The following OGFOD1 variants were observed in gnomAD, a reference collection of about 807,000 sequenced individuals.
The protein encoded by OGFOD1 is 2-oxoglutarate and iron dependent oxygenase domain containing 1.
A neutral mutation model predicts 67.7 loss-of-function variants in OGFOD1; 54 were observed. The ratio of observed to expected loss-of-function variants is 0.80; its 90% confidence interval spans 0.64 to 1.00. The LOEUF is 1.00. Ranked by LOEUF, OGFOD1 falls within the 50% of genes least tolerant of loss-of-function variation. The probability of loss-of-function intolerance (pLI) is 0.00; values close to 1 mark genes in which losing one functional copy is unlikely to be tolerated. For synonymous variants in OGFOD1, 221 were observed against 227.0 expected, an observed-to-expected ratio of 0.97 and a Z score of 0.24; for missense variants, 606 against 646.7, an observed-to-expected ratio of 0.94 and a Z score of 0.68.
intron 1 of OGFOD1, 35 bp downstream of exon 1, chr16:56,451,801 A>G (rs1207485666): frequency 1.2e-6 from 2 of 1,609,244 alleles, no homozygotes; most frequent in Admixed American, 3.3e-5. Context: ...GCCGCCACGC[A>G]GAGGTCTAGG....
At chr16:56,475,597 TTA>T in intron 12 of OGFOD1, 32 bp downstream of exon 12, 1 of 1,594,664 alleles carries the variant, frequency 6.3e-7, no homozygotes, top group Non-Finnish European at 8.6e-7. Flanking sequence ...ACTATCATTT[TTA>T]GTTATTGAGA....
At chr16:56,471,038 A>G (rs1963149473) in intron 10 of OGFOD1, among the ~76,000 whole-genome samples, 1 of 152,114 alleles carries the variant, frequency 6.6e-6, no homozygotes, top group South Asian at 2.1e-4. Context: ...AAAACATTGT[A>G]ATAGGGTTAT....
At chr16:56,466,319 T>G in intron 5 of OGFOD1, 51 bp downstream of exon 5, 1 of 1,120,816 alleles carries the variant, frequency 8.9e-7, no homozygotes, top group Non-Finnish European at 1.4e-6. Flanking sequence ...ACTTCTGAGT[T>G]AAAGCTGAGT....
chr16:56,451,877 C>G, intron 1 of OGFOD1, 111 bp downstream of exon 1: 1 of 1,268,546 alleles, frequency 7.9e-7, no homozygotes, highest in Non-Finnish European at 1.1e-6. Flanking sequence ...GGAAGAGGCT[C>G]TTAGAGGACT....
chr16:56,474,914 T>C lies in OGFOD1; in HGVS notation c.1372T>C (p.Phe458Leu), dbSNP rs1373316141. The C allele has an allele frequency of 6.2e-7, 1 of 1,613,852 alleles. No individual in the cohort carries two copies. The highest frequency in any genetic ancestry group is 8.5e-7 in the Non-Finnish European group (1 of 1,179,916). ...TLIHDHSKAE[F>L]ALDLILYCGC... ...AATTCATGACCATAGCAAGGCTGAA[T>C]TTGCCCTAGACTTAATTCTGTACTG... Residue 458 changes from phenylalanine (F) to leucine (L), a missense_variant, in exon 11 of 13, where the codon TTT (phenylalanine) becomes CTT (leucine). Physicochemically the swap from Phe to Leu is conservative, Grantham distance 22. Transcript: ENST00000566157.
chr16:56,463,414 T>C (rs1311990714), intron 4 of OGFOD1, among the ~76,000 whole-genome samples: 1 of 121,632 alleles, frequency 8.2e-6, no homozygotes, highest in Non-Finnish European at 1.7e-5. Flanking sequence ...TTTTTTTTTT[T>C]GGTTTGTTGG....
At chr16:56,454,654 A>C (rs202166242) in intron 2 of OGFOD1, 2 of 129,318 alleles carry the variant, frequency 1.5e-5, no homozygotes, top group Non-Finnish European at 3.1e-5. Context: ...TTGGGGGGGG[A>C]AAAAAAAAAG....
intron 4 of OGFOD1, among the ~76,000 whole-genome samples, chr16:56,464,725 T>C (rs2144005988): frequency 6.6e-6 from 1 of 152,306 alleles, no homozygotes; most frequent in African/African-American, 2.4e-5. Flanking sequence ...ATTCTTTTTT[T>C]TTTCCTACTT....
intron 3 of OGFOD1, among the ~76,000 whole-genome samples, chr16:56,459,532 G>A (rs1010295844): frequency 1.5e-4 from 23 of 152,070 alleles, no homozygotes; most frequent in Admixed American, 1.5e-3. Flanking sequence ...ATATACATGA[G>A]TTTTGACACA....
rs755810385 is a variant in OGFOD1 at position 56,476,013 on chromosome 16, T to C, written c.1468-31T>C. 8.2e-6 allele frequency: 13 copies of C among 1,586,154 alleles called. No individual in the cohort carries two copies. The Admixed American group carries it at 2.3e-4, about 28-fold the overall frequency. The stretch of plus-strand genomic sequence containing the variant: ...CAAGATTTGAGAATAAGTTCTGTGT[T>C]CTGATGTGTCACTGTATTTGTCTTT... On this transcript the variant is annotated intron_variant, in intron 12 of 12. Coordinates refer to ENST00000566157, the MANE Select transcript of OGFOD1 (RefSeq NM_018233.4).
At chr16:56,474,972 G>A (rs769851127) in intron 11 of OGFOD1, 22 bp downstream of exon 11, 51 of 1,611,598 alleles carry the variant, frequency 3.2e-5, no homozygotes, top group East Asian at 3.1e-4. Context: ...GAAAGCAAGC[G>A]GTGGATTATT....
intron 3 of OGFOD1, among the ~76,000 whole-genome samples, chr16:56,462,082 G>C (rs889418849): frequency 6.7e-6 from 1 of 149,340 alleles, no homozygotes; most frequent in Non-Finnish European, 1.5e-5. Flanking sequence ...AACAGAGCAA[G>C]ACTCTATCTC....
rs1391478514 is a variant in OGFOD1 at position 56,466,233 on chromosome 16, G to A, written c.530G>A (p.Ser177Asn). The change falls in exon 5 of 13, where the codon AGC becomes AAC. Residue 177 changes from serine (S) to asparagine (N), a missense_variant. Physicochemically the swap from Ser to Asn is conservative, Grantham distance 46. Transcript: ENST00000566157. ...ILYLVPPWDR[S>N]MGGTLDLYSI... ...TACCTGGTTCCTCCCTGGGACAGGA[G>A]CATGGGTGGTACCCTGGACCTGTAC... The A allele has an allele frequency of 1.2e-6, 2 of 1,613,712 alleles. No homozygotes were observed. Among genetic ancestry groups the A allele is most frequent in the East Asian group, 2.2e-5 (1 of 44,882 alleles).
In OGFOD1 at chr16:56,478,458, G is replaced by C. The variant is rs1963573313; in HGVS notation, c.*2253G>C. On this transcript the variant is annotated 3_prime_UTR_variant, in exon 13 of 13. Coordinates refer to ENST00000566157, the MANE Select transcript of OGFOD1 (RefSeq NM_018233.4). ...TTACTAATGGTTAATGTCACAGCTT[G>C]CCTTTTCTATATTCCAGCTGACTAA... is the stretch of plus-strand genomic sequence containing the variant. 1 of 152,178 alleles carries C rather than the reference G, an allele frequency of 6.6e-6. No homozygotes were observed. The highest frequency in any genetic ancestry group is 2.4e-5 in the African/African-American group (1 of 41,442). The allele number at this position is 152,178 out of a possible 1,614,324, so 9.4% of individuals were successfully genotyped here.
chr16:56,473,492 T>G (rs1963299907), intron 10 of OGFOD1, among the ~76,000 whole-genome samples: 1 of 152,192 alleles, frequency 6.6e-6, no homozygotes, highest in Non-Finnish European at 1.5e-5. Context: ...CATCAAAGAC[T>G]GCTCAAAATT....
chr16:56,476,242 C>T lies in OGFOD1; in HGVS notation c.*37C>T, dbSNP rs555267987. 30 of 1,586,754 alleles carry T rather than the reference C, an allele frequency of 1.9e-5. No individual in the cohort carries two copies. The highest frequency in any genetic ancestry group is 2.3e-4 in the Middle Eastern group (1 of 4,308). Reference sequence around the variant, plus strand: ...AAAGCTGAACAAAAATGTGACCCTTCGTAATTACTGGGAAGTCTGAAAGAG... The same window carrying T: ...AAAGCTGAACAAAAATGTGACCCTTTGTAATTACTGGGAAGTCTGAAAGAG... On this transcript the variant is annotated 3_prime_UTR_variant, in exon 13 of 13. Transcript: ENST00000566157.
chr16:56,459,069 G>A (rs1285260041), intron 3 of OGFOD1, among the ~76,000 whole-genome samples: 3 of 152,224 alleles, frequency 2.0e-5, no homozygotes, highest in Admixed American at 2.0e-4. Flanking sequence ...GGCTGGGCGT[G>A]GTGGCTCACG....
chr16:56,469,541 G>A (rs1963053138), intron 8 of OGFOD1, among the ~76,000 whole-genome samples: 1 of 152,082 alleles, frequency 6.6e-6, no homozygotes, highest in African/African-American at 2.4e-5. Flanking sequence ...CACAGGAGGA[G>A]TAGGGGATCT....
chr16:56,464,384 A>G (rs1002543978), intron 4 of OGFOD1, among the ~76,000 whole-genome samples: 14 of 152,044 alleles, frequency 9.2e-5, no homozygotes, highest in Admixed American at 4.6e-4. Context: ...AGATACTTTA[A>G]GATTATGTAA....
Sources: allele counts gnomAD v4.1 joint callset (sites outside exome capture counted in the v4.1 genomes callset), GRCh38; gene constraint gnomAD v4.1.1; transcripts MANE v1.5; gene names NCBI Gene and HGNC (gene_info 2026-07-23, HGNC 2026-07-21).